The following GALNTL6 variants were observed in gnomAD, a reference collection of about 807,000 sequenced individuals.
GALNTL6 encodes polypeptide N-acetylgalactosaminyltransferase-like 6.
GALNTL6 carries 46 observed loss-of-function variants against 73.7 expected under a neutral mutation model. That is an observed-to-expected ratio of 0.62 (90% CI 0.49 to 0.80). The LOEUF (loss-of-function observed/expected upper bound fraction) is 0.80. Ranked by LOEUF, GALNTL6 falls within the 30% of genes least tolerant of loss-of-function variation. The pLI, the probability that GALNTL6 is intolerant of heterozygous loss-of-function variation, is 0.00. For missense variants in GALNTL6, 604 were observed against 755.0 expected, an observed-to-expected ratio of 0.80 and a Z score of 2.34; for synonymous variants, 259 against 263.7, an observed-to-expected ratio of 0.98 and a Z score of 0.17.
At chr4:172,471,997 G>C (rs1405541897) in intron 5 of GALNTL6, among the ~76,000 whole-genome samples, 3 of 152,134 alleles carry the variant, frequency 2.0e-5, no homozygotes, top group African/African-American at 7.2e-5. Context: ...GTTCAGATAA[G>C]GATAAAGAAA....
At chr4:172,246,825 T>C (rs1456907352) in intron 3 of GALNTL6, among the ~76,000 whole-genome samples, 3 of 148,968 alleles carry the variant, frequency 2.0e-5, no homozygotes, top group African/African-American at 7.3e-5. Flanking sequence ...TATGTATATA[T>C]ATATAAATAT....
chr4:172,958,021 A>G (rs1749839615), intron 10 of GALNTL6, among the ~76,000 whole-genome samples: 1 of 152,192 alleles, frequency 6.6e-6, no homozygotes, highest in Non-Finnish European at 1.5e-5. Context: ...GGTATCAGGA[A>G]TAATGTAGGA....
chr4:172,011,088 T>C (rs1740992234), intron 2 of GALNTL6, among the ~76,000 whole-genome samples: 1 of 152,096 alleles, frequency 6.6e-6, no homozygotes, highest in Admixed American at 6.6e-5. Context: ...ATATGAGAAC[T>C]GTACTATTAC....
chr4:172,262,104 T>G (rs1479265490), intron 3 of GALNTL6, among the ~76,000 whole-genome samples: 1 of 151,490 alleles, frequency 6.6e-6, no homozygotes, highest in Non-Finnish European at 1.5e-5. Flanking sequence ...AAAATGTATA[T>G]CTTGCAGTTG....
chr4:172,435,135 T>C (rs762018774), intron 5 of GALNTL6, among the ~76,000 whole-genome samples: 1 of 152,062 alleles, frequency 6.6e-6, no homozygotes, highest in Non-Finnish European at 1.5e-5. Flanking sequence ...TTATAATAGG[T>C]TCCTTATTGA....
At chr4:172,261,039 A>G (rs547449315) in intron 3 of GALNTL6, among the ~76,000 whole-genome samples, 1 of 151,498 alleles carries the variant, frequency 6.6e-6, no homozygotes, top group East Asian at 1.9e-4. Flanking sequence ...ATCTGTGTTC[A>G]TCAAGGATAT....
At chr4:172,590,841 A>G (rs1737608885) in intron 5 of GALNTL6, among the ~76,000 whole-genome samples, 1 of 152,138 alleles carries the variant, frequency 6.6e-6, no homozygotes, top group South Asian at 2.1e-4. Flanking sequence ...GTAAAATCCA[A>G]TAATATTATA....
chr4:172,836,422 C>T (rs1025970189), intron 7 of GALNTL6, among the ~76,000 whole-genome samples: 1 of 152,142 alleles, frequency 6.6e-6, no homozygotes, highest in African/African-American at 2.4e-5. Context: ...AAAAATAATA[C>T]TTTATGCAGT....
intron 2 of GALNTL6, among the ~76,000 whole-genome samples, chr4:171,868,378 A>G (rs1034275390): frequency 1.9e-5 from 2 of 107,652 alleles, no homozygotes; most frequent in African/African-American, 1.1e-4. Context: ...TGTAAACAAT[A>G]GATATCTCTT....
chr4:172,854,962 A>T (rs76556823), intron 7 of GALNTL6, among the ~76,000 whole-genome samples: 6,307 of 152,300 alleles, frequency 0.041, 163 homozygotes, highest in Middle Eastern at 0.1. Flanking sequence ...GTAAAATAAT[A>T]TTTATGAAAT....
At chr4:172,022,073 A>T (rs934123873) in intron 2 of GALNTL6, among the ~76,000 whole-genome samples, 2 of 152,068 alleles carry the variant, frequency 1.3e-5, no homozygotes, top group Non-Finnish European at 2.9e-5. Context: ...ACCAAAGCAA[A>T]AATGGATGAA....
intron 5 of GALNTL6, among the ~76,000 whole-genome samples, chr4:172,456,999 A>T (rs1318894378): frequency 6.6e-6 from 1 of 152,174 alleles, no homozygotes; most frequent in East Asian, 1.9e-4. Flanking sequence ...CTAACAGAGG[A>T]TCTCTCTGCA....
At chr4:172,848,087 T>G (rs1055945798) in intron 7 of GALNTL6, among the ~76,000 whole-genome samples, 4 of 152,218 alleles carry the variant, frequency 2.6e-5, no homozygotes, top group Admixed American at 1.3e-4. Context: ...TGAACTAGAT[T>G]TCTTTGGATT....
At chr4:172,845,866 TA>T (rs1378206884) in intron 7 of GALNTL6, among the ~76,000 whole-genome samples, 1 of 152,246 alleles carries the variant, frequency 6.6e-6, no homozygotes, top group Non-Finnish European at 1.5e-5. Flanking sequence ...GTGTAATGTT[TA>T]AATTGTTCTG....
intron 4 of GALNTL6, among the ~76,000 whole-genome samples, chr4:172,321,539 A>C (rs1740755743): frequency 6.6e-6 from 1 of 152,218 alleles, no homozygotes; most frequent in Non-Finnish European, 1.5e-5. Context: ...ACTGAACTAA[A>C]GGAAACATAA....
intron 3 of GALNTL6, among the ~76,000 whole-genome samples, chr4:172,268,387 G>A (rs1738522957): frequency 6.6e-6 from 1 of 152,162 alleles, no homozygotes; most frequent in African/African-American, 2.4e-5. Context: ...TCAGCAAAAG[G>A]TTCACACAGG....
intron 5 of GALNTL6, among the ~76,000 whole-genome samples, chr4:172,429,195 A>ATTATT (rs70944409): frequency 1.7e-4 from 23 of 133,784 alleles, no homozygotes; most frequent in East Asian, 1.3e-3. Flanking sequence ...TTTATTTTAT[A>ATTATT]TTATTTTATT....
intron 2 of GALNTL6, among the ~76,000 whole-genome samples, chr4:172,135,380 C>A (rs1257373791): frequency 6.6e-6 from 1 of 150,774 alleles, no homozygotes; most frequent in African/African-American, 2.5e-5. Flanking sequence ...ATCCAGGACC[C>A]ATAAAAGGAA....
At chr4:171,979,461 A>T (rs1328734293) in intron 2 of GALNTL6, among the ~76,000 whole-genome samples, 1 of 152,220 alleles carries the variant, frequency 6.6e-6, no homozygotes, top group Non-Finnish European at 1.5e-5. Context: ...TTGGACAAAA[A>T]CAACAATTAG....
Sources: gnomAD v4.1 joint callset for allele counts (sites outside exome capture counted in the v4.1 genomes callset) on GRCh38, gnomAD v4.1.1 for gene constraint, MANE v1.5 for transcripts, NCBI Gene and HGNC (gene_info 2026-07-23, HGNC 2026-07-21) for gene names.